PATJ: variants seen among roughly 807,000 people sequenced by gnomAD.
PATJ encodes PATJ crumbs cell polarity complex component.
Under a neutral mutation model 224.9 loss-of-function variants are expected in PATJ, and 190 were observed. That is an observed-to-expected ratio of 0.84 (90% CI 0.75 to 0.95). The LOEUF is 0.95. PATJ is among the 40% of genes least tolerant of loss of function. PATJ has a pLI of 0.00. For missense variants in PATJ, 2,121 were observed against 2,270.3 expected (o/e 0.93, Z 1.34); for synonymous variants, 769 against 820.3 (o/e 0.94, Z 1.07).
chr1:61,870,681 T>G (rs1054158708), intron 20 of PATJ, among the ~76,000 whole-genome samples: 7 of 152,258 alleles, frequency 4.6e-5, no homozygotes, highest in African/African-American at 1.7e-4. Context: ...AATGGTGTTA[T>G]GAACATTGGT....
Position 61,856,188 on chromosome 1 carries a change from G to C in PATJ, c.2271G>C (p.Leu757Phe). Residue 757 changes from leucine to phenylalanine, a missense_variant, in exon 18 of 44, where the codon TTG (leucine) becomes TTC (phenylalanine). Leu to Phe is a conservative substitution (Grantham distance 22). Coordinates refer to ENST00000642238, the MANE Select transcript of PATJ (RefSeq NM_001350145.3). ...NTSLAEAVEI[L>F]KAVPPGLVHL... The stretch of plus-strand genomic sequence containing the variant: ...CACTTGCTGAAGCTGTGGAAATATT[G>C]AAAGCTGTGCCACCAGGCCTAGTAC... The C allele has an allele frequency of 6.2e-7, 1 of 1,614,172 alleles. No homozygotes were observed. The highest frequency in any genetic ancestry group is 8.5e-7 in the Non-Finnish European group (1 of 1,180,008).
At chr1:62,025,457 G>A (rs1036338666) in intron 29 of PATJ, among the ~76,000 whole-genome samples, 1 of 152,154 alleles carries the variant, frequency 6.6e-6, no homozygotes, top group Non-Finnish European at 1.5e-5. Flanking sequence ...GTATCTGAAC[G>A]TTTAGGATTT....
intron 7 of PATJ, among the ~76,000 whole-genome samples, chr1:61,780,095 G>A (rs1392850523): frequency 2.6e-5 from 4 of 152,174 alleles, no homozygotes; most frequent in African/African-American, 7.2e-5. Flanking sequence ...CATGAGGTTT[G>A]GGGGGGACAA....
At position 61,808,486 on chromosome 1, in the gene PATJ, GAC is replaced by G. The variant is rs757445412; in HGVS notation, c.1645_1646del (p.Gln549AspfsTer4). 8 of 1,606,864 alleles carry G rather than the reference GAC, an allele frequency of 5.0e-6. No individual in the cohort carries two copies. Among genetic ancestry groups the G allele is most frequent in the South Asian group, 1.1e-5 (1 of 90,654 alleles). ...PDYEVMVATL[D>X]TQIADDAELQ... ...TTTGTAAATTTAGGTTGCTACTTTG[GAC>G]ACACAGATTGCAGATGATGCTGAGT... On this transcript the variant is annotated frameshift_variant, in exon 14 of 44. Coordinates refer to ENST00000642238, the MANE Select transcript of PATJ (RefSeq NM_001350145.3). LOFTEE classifies it high-confidence loss of function.
intron 1 of PATJ, among the ~76,000 whole-genome samples, chr1:61,745,257 A>G (rs1417385419): frequency 6.6e-6 from 1 of 152,136 alleles, no homozygotes; most frequent in Non-Finnish European, 1.5e-5. Flanking sequence ...GGGAGATCAG[A>G]TAATTTTTTT....
At chr1:61,752,684 A>T (rs935726397) in intron 1 of PATJ, among the ~76,000 whole-genome samples, 1 of 152,168 alleles carries the variant, frequency 6.6e-6, no homozygotes, top group African/African-American at 2.4e-5. Context: ...ACAAGTTTTA[A>T]TTTCAGATTC....
intron 33 of PATJ, among the ~76,000 whole-genome samples, chr1:62,096,636 G>T (rs1661429352): frequency 6.6e-6 from 1 of 152,152 alleles, no homozygotes; most frequent in South Asian, 2.1e-4. Context: ...TTAGAGTCAT[G>T]AATTTTGATC....
At chr1:61,891,046 C>CCA in intron 22 of PATJ, among the ~76,000 whole-genome samples, 1 of 134,692 alleles carries the variant, frequency 7.4e-6, no homozygotes, top group African/African-American at 2.8e-5. Flanking sequence ...TGTTGATTAA[C>CCA]AAAAAAAAAA....
chr1:61,926,232 C>G (rs1675179452), intron 26 of PATJ, among the ~76,000 whole-genome samples: 1 of 152,176 alleles, frequency 6.6e-6, no homozygotes, highest in South Asian at 2.1e-4. Context: ...TTTGCCACAT[C>G]TGGGGAGAGC....
chr1:62,095,059 T>C (rs541780230), intron 33 of PATJ, among the ~76,000 whole-genome samples: 1 of 152,292 alleles, frequency 6.6e-6, no homozygotes, highest in African/African-American at 2.4e-5. Flanking sequence ...ACAGAAACAA[T>C]TATCTGTTCA....
chr1:61,767,833 C>T (rs1457867744), intron 4 of PATJ, among the ~76,000 whole-genome samples: 1 of 151,676 alleles, frequency 6.6e-6, no homozygotes, highest in African/African-American at 2.4e-5. Context: ...TGTGTCACCA[C>T]GCCTGGCTAA....
chr1:61,791,823 T>C (rs1217943841), intron 9 of PATJ, among the ~76,000 whole-genome samples: 1 of 152,172 alleles, frequency 6.6e-6, no homozygotes, highest in East Asian at 1.9e-4. Context: ...GTATGACTAT[T>C]GTGTTTTATC....
At chr1:61,788,406 A>G (rs1649058110) in intron 8 of PATJ, among the ~76,000 whole-genome samples, 1 of 152,066 alleles carries the variant, frequency 6.6e-6, no homozygotes, top group African/African-American at 2.4e-5. Context: ...ATTTTAAATT[A>G]TCAAGCACCT....
At chr1:61,787,029 A>G (rs548042555) in intron 7 of PATJ, among the ~76,000 whole-genome samples, 1 of 152,182 alleles carries the variant, frequency 6.6e-6, no homozygotes, top group South Asian at 2.1e-4. Flanking sequence ...CTGTCTATCT[A>G]TCTAGAATCT....
intron 10 of PATJ, among the ~76,000 whole-genome samples, chr1:61,796,710 C>CTT (rs1266308607): frequency 2.8e-4 from 25 of 89,446 alleles, no homozygotes; most frequent in African/African-American, 1.5e-3. Context: ...TTCTTTCTTT[C>CTT]TTTCTTTCTT....
intron 28 of PATJ, among the ~76,000 whole-genome samples, chr1:61,996,170 A>G (rs887970733): frequency 3.9e-5 from 6 of 152,222 alleles, no homozygotes; most frequent in Admixed American, 6.5e-5. Context: ...AAAAGCATGA[A>G]TGTGTCCCAT....
chr1:62,026,500 G>GTGTGTGTGTGTGTA (rs1647968287), intron 29 of PATJ, among the ~76,000 whole-genome samples: 1 of 149,516 alleles, frequency 6.7e-6, no homozygotes, highest in African/African-American at 2.5e-5. Context: ...GTGTGTGTGT[G>GTGTGTGTGTGTGTA]TACATGCACC....
At chr1:62,019,803 CAA>C (rs1328583427) in intron 29 of PATJ, among the ~76,000 whole-genome samples, 1 of 151,844 alleles carries the variant, frequency 6.6e-6, no homozygotes, top group Non-Finnish European at 1.5e-5. Flanking sequence ...GGTCAGCACT[CAA>C]GAGATTAAGA....
At chr1:62,041,338 AG>A (rs368538727) in intron 30 of PATJ, among the ~76,000 whole-genome samples, 196 of 152,348 alleles carry the variant, frequency 1.3e-3, no homozygotes, top group African/African-American at 4.6e-3. Context: ...AATTGCCTTC[AG>A]CTCATGGATC....
Sources: allele counts gnomAD v4.1 joint callset (sites outside exome capture counted in the v4.1 genomes callset), GRCh38; gene constraint gnomAD v4.1.1; transcripts MANE v1.5; gene names NCBI Gene and HGNC (gene_info 2026-07-23, HGNC 2026-07-21).